Variants in COL4A5 observed in about 807,000 individuals in gnomAD.
The protein encoded by COL4A5 is collagen type IV alpha 5 chain.
COL4A5 carries 26 observed loss-of-function variants against 130.2 expected under a neutral mutation model. That is an observed-to-expected ratio of 0.20 (90% CI 0.15 to 0.28). COL4A5 has a LOEUF of 0.28. Ranked by LOEUF, COL4A5 falls within the 10% of genes least tolerant of loss-of-function variation. The pLI, the probability that COL4A5 is intolerant of heterozygous loss-of-function variation, is 1.00. For synonymous variants in COL4A5, 496 were observed against 439.6 expected (o/e 1.13, Z -1.60); for missense variants, 1,131 against 1,344.3 (o/e 0.84, Z 2.48).
chrX:108,563,879 C>A lies in COL4A5; in HGVS notation c.232-3C>A, dbSNP rs769512814. 8.3e-7 allele frequency: 1 copy of A among 1,204,598 alleles called. No homozygotes were observed. The highest frequency in any genetic ancestry group is 1.1e-6 in the Non-Finnish European group (1 of 890,966). The stretch of plus-strand genomic sequence containing the variant: ...AAAAACCTAAAAATATTGCATTTTT[C>A]AGGGTGATGATGGAATTCCAGGGCC... On this transcript the variant is annotated splice_region_variant and splice_polypyrimidine_tract_variant and intron_variant, in intron 3 of 52. Coordinates refer to ENST00000328300, the MANE Select transcript of COL4A5 (RefSeq NM_033380.3).
chrX:108,465,196 T>G (rs778727651), intron 1 of COL4A5, among the ~76,000 whole-genome samples: 1 of 112,261 alleles, frequency 8.9e-6, no homozygotes, highest in Admixed American at 9.5e-5. Context: ...CATAAATATG[T>G]AATGTATTGA....
At position 108,439,895 on chromosome X, in the gene COL4A5, TCTC is replaced by T. The variant is rs772508444; in HGVS notation, c.-228_-226del. 1.9e-4 allele frequency: 79 copies of T among 417,677 alleles called. No homozygotes were observed. The highest frequency in any genetic ancestry group is 1.4e-3 in the African/African-American group (55 of 39,134). The allele number at this position is 417,677 out of a possible 1,213,427, so 34.4% of individuals were successfully genotyped here. A position where few individuals can be genotyped will look rare whatever the true frequency, so the allele number is the denominator to read the frequency against. ...GCAAGTCTGGACAGAAGGGAAAAGT[TCTC>T]CTGAGAGACCGGCTTTGGGGAGGGG... On this transcript the variant is annotated 5_prime_UTR_variant, in exon 1 of 53. Coordinates refer to ENST00000328300, the MANE Select transcript of COL4A5 (RefSeq NM_033380.3).
chrX:108,651,619 T>C (rs2067731369), intron 36 of COL4A5, among the ~76,000 whole-genome samples: 1 of 111,944 alleles, frequency 8.9e-6, no homozygotes, highest in African/African-American at 3.2e-5. Flanking sequence ...TTCTTTAATA[T>C]TTCTTTAGTA....
intron 50 of COL4A5, 125 bp from the exon 51 acceptor site, chrX:108,694,678 TCACC>T: frequency 1.8e-6 from 1 of 545,785 alleles, no homozygotes. Flanking sequence ...GTGCATTTTT[TCACC>T]TTTTGTGATC....
chrX:108,683,861 T>G (rs2068488152), intron 47 of COL4A5, among the ~76,000 whole-genome samples: 1 of 111,618 alleles, frequency 9.0e-6, no homozygotes, highest in African/African-American at 3.3e-5. Flanking sequence ...GCTTACTCTT[T>G]TCCTAATTGA....
chrX:108,668,718 T>G (rs1406281914), intron 41 of COL4A5, among the ~76,000 whole-genome samples: 1 of 112,426 alleles, frequency 8.9e-6, no homozygotes, highest in Non-Finnish European at 1.9e-5. Flanking sequence ...TAATTTGCTT[T>G]AGTAATGCAT....
In COL4A5 at chrX:108,677,566, A is replaced by T; in HGVS notation, c.3875A>T (p.Asn1292Ile). The change falls in exon 44 of 53, where the codon AAT becomes ATT. Residue 1292 changes from asparagine (N) to isoleucine (I), a missense_variant. Asn to Ile is a moderately radical substitution (Grantham distance 149). Transcript: ENST00000328300. Reference protein sequence around the residue: ...GNGGIKGEKGNPGQPGLPGLP... With the variant: ...GNGGIKGEKGIPGQPGLPGLP... ...GGAGGTATTAAAGGAGAGAAGGGAA[A>T]TCCAGGCCAACCTGGGCTACCTGGC... 1 of 1,210,709 alleles carries T rather than the reference A, an allele frequency of 8.3e-7. No homozygotes were observed. Among genetic ancestry groups the T allele is most frequent in the Non-Finnish European group, 1.1e-6 (1 of 894,516 alleles).
Position 108,481,639 on chromosome X carries a change from T to C in COL4A5, c.81+41433T>C, listed in dbSNP as rs1317751423. Among the ~76,000 whole-genome samples the C allele has an allele frequency of 1.1e-4, 12 of 111,641 alleles. No individual in the cohort carries two copies. In the Admixed American group the frequency reaches 1.1e-3, roughly 11 times the overall value. On this transcript the variant is annotated intron_variant, in intron 1 of 52. Coordinates refer to ENST00000328300, the MANE Select transcript of COL4A5 (RefSeq NM_033380.3). Reference sequence around the variant, plus strand: ...TTGCTGCTTCGCTTTTGCTGTCCATTACGGTAGGTACACCCACCTTGCCTT... The same window carrying C: ...TTGCTGCTTCGCTTTTGCTGTCCATCACGGTAGGTACACCCACCTTGCCTT...
intron 19 of COL4A5, among the ~76,000 whole-genome samples, chrX:108,587,520 C>T (rs1368453567): frequency 1.8e-5 from 2 of 111,978 alleles, no homozygotes; most frequent in African/African-American, 3.2e-5. Context: ...TGTTCATCCA[C>T]TGATGAACAT....
chrX:108,473,030 T>C (rs2064790211), intron 1 of COL4A5, among the ~76,000 whole-genome samples: 1 of 112,240 alleles, frequency 8.9e-6, no homozygotes, highest in Non-Finnish European at 1.9e-5. Context: ...TTGGACATTT[T>C]TTTGTGTATC....
intron 50 of COL4A5, 30 bp from the exon 51 acceptor site, chrX:108,694,777 A>T (rs753189629): frequency 1.8e-6 from 2 of 1,105,458 alleles, no homozygotes; most frequent in African/African-American, 3.6e-5. Context: ...CACTCTGTAG[A>T]TTATGTTCCT....
At chrX:108,496,354 A>G (rs2065034397) in intron 1 of COL4A5, among the ~76,000 whole-genome samples, 1 of 111,759 alleles carries the variant, frequency 8.9e-6, no homozygotes, top group African/African-American at 3.3e-5. Flanking sequence ...TTCATTTGCA[A>G]ACATTTGAGG....
chrX:108,517,263 G>A (rs532980649), intron 1 of COL4A5, among the ~76,000 whole-genome samples: 3 of 111,301 alleles, frequency 2.7e-5, no homozygotes, highest in African/African-American at 9.8e-5. Context: ...AATCATGACT[G>A]CAGAAGAAAT....
chrX:108,574,861 C>T lies in COL4A5; in HGVS notation c.547-1049C>T, dbSNP rs757853098. Among the ~76,000 whole-genome samples, 15 of 111,214 alleles carry T rather than the reference C, an allele frequency of 1.3e-4. No homozygotes were observed. The South Asian group carries it at 4.9e-3, about 36-fold the overall frequency. ...GGAGTGCAGTGGCATGATCATGGCT[C>T]ACTGCAGTCTTAACCTCCTGGGCTT... On this transcript the variant is annotated intron_variant, in intron 9 of 52. Transcript: ENST00000328300.
At chrX:108,492,471 C>A (rs748252448) in intron 1 of COL4A5, among the ~76,000 whole-genome samples, 2 of 111,911 alleles carry the variant, frequency 1.8e-5, no homozygotes, top group East Asian at 2.8e-4. Flanking sequence ...TCATAATATT[C>A]AAAATGTCCT....
chrX:108,522,957 A>T (rs2065278973), intron 1 of COL4A5, among the ~76,000 whole-genome samples: 1 of 105,903 alleles, frequency 9.4e-6, no homozygotes, highest in African/African-American at 3.5e-5. Flanking sequence ...GGCTCACTGC[A>T]ACCTCCGCCT....
chrX:108,546,630 T>C (rs2065660548), intron 2 of COL4A5, among the ~76,000 whole-genome samples: 1 of 111,055 alleles, frequency 9.0e-6, no homozygotes, highest in Non-Finnish European at 1.9e-5. Flanking sequence ...GCGTTCTCTG[T>C]ATTTCCTGAA....
intron 1 of COL4A5, among the ~76,000 whole-genome samples, chrX:108,473,633 A>ATATATATATTTT: frequency 8.4e-4 from 29 of 34,561 alleles, no homozygotes; most frequent in African/African-American, 2.4e-3. Flanking sequence ...ATATATATAT[A>ATATATATATTTT]TTTTTTTTTT....
intron 2 of COL4A5, among the ~76,000 whole-genome samples, chrX:108,544,574 T>G (rs1435912100): frequency 1.8e-5 from 2 of 110,414 alleles, no homozygotes; most frequent in Non-Finnish European, 3.8e-5. Context: ...AATTCTCTTT[T>G]TTGTTGTGTC....
Sources: gnomAD v4.1 joint callset for allele counts (sites outside exome capture counted in the v4.1 genomes callset) on GRCh38, gnomAD v4.1.1 for gene constraint, MANE v1.5 for transcripts, NCBI Gene and HGNC (gene_info 2026-07-23, HGNC 2026-07-21) for gene names.